The following STPG2 variants were observed in gnomAD, a reference collection of about 807,000 sequenced individuals.
STPG2 encodes the protein sperm-tail PG-rich repeat-containing protein 2.
Under a neutral mutation model 54.2 loss-of-function variants are expected in STPG2, and 56 were observed. The observed-to-expected ratio is 1.03, with a 90% CI of 0.83 to 1.29. The LOEUF is 1.29. Ranked by LOEUF, STPG2 falls within the 50% of genes most tolerant of loss-of-function variation. STPG2 has a pLI of 0.00. For synonymous variants in STPG2, 200 were observed against 181.8 expected (o/e 1.10, Z -0.81); for missense variants, 596 against 544.9 (o/e 1.09, Z -0.93).
At chr4:98,082,220 G>A (rs1295904678) in intron 5 of STPG2, among the ~76,000 whole-genome samples, 1 of 151,894 alleles carries the variant, frequency 6.6e-6, no homozygotes, top group Admixed American at 6.6e-5. Flanking sequence ...CCTTATGACA[G>A]CGCTCAAGCC....
intron 8 of STPG2, among the ~76,000 whole-genome samples, chr4:97,932,675 G>A (rs963304524): frequency 1.3e-5 from 2 of 152,130 alleles, no homozygotes; most frequent in African/African-American, 2.4e-5. Context: ...CTCCATCCAT[G>A]CACCCGCAAA....
chr4:97,907,863 C>T (rs1281343667), intron 8 of STPG2, among the ~76,000 whole-genome samples: 4 of 151,968 alleles, frequency 2.6e-5, no homozygotes, highest in African/African-American at 4.8e-5. Context: ...ATACAAAAAT[C>T]AATTCAAGAT....
At chr4:98,038,410 A>AT (rs71600243) in intron 5 of STPG2, among the ~76,000 whole-genome samples, 3,637 of 151,822 alleles carry the variant, frequency 0.024, 140 homozygotes, top group African/African-American at 0.083. Flanking sequence ...AGTGGAAACA[A>AT]TTTTTTTTTA....
At chr4:97,880,138 G>A (rs1289090451) in intron 8 of STPG2, among the ~76,000 whole-genome samples, 2 of 152,114 alleles carry the variant, frequency 1.3e-5, no homozygotes, top group African/African-American at 4.8e-5. Context: ...AGGAAATTCT[G>A]TCATTCATTA....
chr4:97,454,614 TAA>T (rs1467167742), intron 4 of STPG2, among the ~76,000 whole-genome samples: 6 of 107,198 alleles, frequency 5.6e-5, no homozygotes, highest in Non-Finnish European at 1.0e-4. Flanking sequence ...TTTGTAAAAA[TAA>T]ATATATAGCA....
intron 5 of STPG2, among the ~76,000 whole-genome samples, chr4:98,058,317 T>C (rs541185613): frequency 6.6e-6 from 1 of 152,124 alleles, no homozygotes; most frequent in Non-Finnish European, 1.5e-5. Context: ...AAGAGACTCA[T>C]CTCACACACA....
chr4:97,658,484 A>G (rs543532664), intron 10 of STPG2, among the ~76,000 whole-genome samples: 1 of 152,348 alleles, frequency 6.6e-6, no homozygotes, highest in South Asian at 2.1e-4. Context: ...TGAAGGACCA[A>G]TACCTAGAAA....
chr4:97,583,264 TG>T (rs1466800417), intron 10 of STPG2, among the ~76,000 whole-genome samples: 1 of 151,904 alleles, frequency 6.6e-6, no homozygotes, highest in African/African-American at 2.4e-5. Context: ...AAAGTAGCAA[TG>T]GAAGAGGTGT....
chr4:97,509,415 C>G lies in STPG2; in HGVS notation c.462+203284G>C, dbSNP rs377375458. 3.3e-5 allele frequency among the ~76,000 whole-genome samples: 5 copies of G among 152,132 alleles called. No individual in the cohort carries two copies. The East Asian group carries it at 5.8e-4, about 18-fold the overall frequency. On this transcript the variant is annotated intron_variant, in intron 4 of 4. Transcript: ENST00000522676. ...AAATTTCAATTAGGTTCACAAAAAT[C>G]TTACAAGAAATTGTAATAATGTCTT...
intron 8 of STPG2, among the ~76,000 whole-genome samples, chr4:97,877,863 G>T (rs1451409848): frequency 6.6e-6 from 1 of 152,054 alleles, no homozygotes; most frequent in Non-Finnish European, 1.5e-5. Context: ...ACAGTCCAAA[G>T]TCTCATCTGA....
At chr4:98,083,865 G>T (rs1310020732) in intron 5 of STPG2, among the ~76,000 whole-genome samples, 2 of 151,914 alleles carry the variant, frequency 1.3e-5, no homozygotes, top group Non-Finnish European at 2.9e-5. Context: ...TTTCTTTTTT[G>T]TTTTTAACAC....
At chr4:98,052,637 T>C (rs939167859) in intron 5 of STPG2, among the ~76,000 whole-genome samples, 1 of 152,196 alleles carries the variant, frequency 6.6e-6, no homozygotes, top group Non-Finnish European at 1.5e-5. Context: ...TGTGAAAATA[T>C]AAAAGGCTAA....
chr4:97,858,970 C>G (rs1729420319), intron 8 of STPG2, among the ~76,000 whole-genome samples: 1 of 152,164 alleles, frequency 6.6e-6, no homozygotes. Flanking sequence ...AAGGAATCTC[C>G]ATACTACTTT....
intron 4 of STPG2, among the ~76,000 whole-genome samples, chr4:97,535,537 A>G (rs1731509368): frequency 6.6e-6 from 1 of 152,108 alleles, no homozygotes; most frequent in African/African-American, 2.4e-5. Flanking sequence ...TATTGGAGTG[A>G]CTTTTCCTTT....
intron 10 of STPG2, among the ~76,000 whole-genome samples, chr4:97,632,415 A>C (rs1239786447): frequency 1.3e-5 from 2 of 152,038 alleles, no homozygotes; most frequent in African/African-American, 2.4e-5. Context: ...CATAATAATA[A>C]AAAATCTAAT....
chr4:97,908,095 G>A (rs1327926552), intron 8 of STPG2, among the ~76,000 whole-genome samples: 3 of 151,264 alleles, frequency 2.0e-5, no homozygotes, highest in Non-Finnish European at 3.0e-5. Flanking sequence ...TACAAAATGG[G>A]AGAAAATTTT....
At chr4:98,121,293 C>G (rs899647895) in intron 3 of STPG2, among the ~76,000 whole-genome samples, 3 of 152,102 alleles carry the variant, frequency 2.0e-5, no homozygotes, top group Admixed American at 6.5e-5. Context: ...GTTAATGTAG[C>G]CTTGTAATAT....
At chr4:98,135,128 G>A (rs1471944521) in intron 1 of STPG2, among the ~76,000 whole-genome samples, 6 of 151,852 alleles carry the variant, frequency 4.0e-5, no homozygotes, top group Non-Finnish European at 8.9e-5. Flanking sequence ...TATCAAAGAA[G>A]AGATGGGAGA....
At chr4:97,999,942 T>A (rs1247024266) in intron 5 of STPG2, among the ~76,000 whole-genome samples, 2 of 152,202 alleles carry the variant, frequency 1.3e-5, no homozygotes, top group South Asian at 2.1e-4. Context: ...GTCCAGAGAA[T>A]TTCTGTGGAG....
Sources: allele counts gnomAD v4.1 joint callset (sites outside exome capture counted in the v4.1 genomes callset), GRCh38; gene constraint gnomAD v4.1.1; transcripts MANE v1.5; gene names NCBI Gene and HGNC (gene_info 2026-07-23, HGNC 2026-07-21).